Variants in ADGRE3 observed in about 807,000 individuals in gnomAD.
ADGRE3 encodes adhesion G protein-coupled receptor E3.
ADGRE3 carries 88 observed loss-of-function variants against 80.1 expected under a neutral mutation model. The observed-to-expected ratio is 1.10, with a 90% CI of 0.93 to 1.31. The LOEUF (loss-of-function observed/expected upper bound fraction) is 1.31, where lower values mean the gene tolerates loss of function less well. ADGRE3 is among the 40% of genes most tolerant of loss of function. The pLI, the probability that ADGRE3 is intolerant of heterozygous loss-of-function variation, is 0.00. For missense variants in ADGRE3, 715 were observed against 776.5 expected, an observed-to-expected ratio of 0.92 and a Z score of 0.94; for synonymous variants, 281 against 294.8, an observed-to-expected ratio of 0.95 and a Z score of 0.48.
At position 14,620,158 on chromosome 19, in the gene ADGRE3, G is replaced by T. The variant is rs576426023; in HGVS notation, c.1921-687C>A. 3.3e-5 allele frequency among the ~76,000 whole-genome samples: 5 copies of T among 152,092 alleles called. No homozygotes were observed. The East Asian group carries it at 9.7e-4, about 29-fold the overall frequency. ...AGAAAGTTAACCCAAGGTCAAACTTGTCCATAGAGAAAGAGTTTCATTAGC... is the reference window on the plus strand; with the variant it reads ...AGAAAGTTAACCCAAGGTCAAACTTTTCCATAGAGAAAGAGTTTCATTAGC... On this transcript the variant is annotated intron_variant, in intron 15 of 15. Transcript: ENST00000253673.
intron 14 of ADGRE3, among the ~76,000 whole-genome samples, chr19:14,626,253 G>A (rs1188368695): frequency 6.6e-6 from 1 of 151,906 alleles, no homozygotes; most frequent in Non-Finnish European, 1.5e-5. Flanking sequence ...TGGCTAACAC[G>A]GTGAAACCCT....
At position 14,644,183 on chromosome 19, in the gene ADGRE3, G is replaced by A. The variant is rs758456635; in HGVS notation, c.975C>T (p.His325=). The A allele has an allele frequency of 8.1e-6, 13 of 1,609,430 alleles. No individual in the cohort carries two copies. The highest frequency in any genetic ancestry group is 1.3e-5 in the African/African-American group (1 of 74,676). The stretch of plus-strand genomic sequence containing the variant: ...TACACATGGTGTGACTCTTGTTCAC[G>A]TGTATCAGGAAGCAGCCATCCCTGG... ...QWSRDGCFLI[H]VNKSHTMCNC... Residue 325 remains histidine, a synonymous_variant, in exon 9 of 16, where the codon CAC becomes CAT. Transcript: ENST00000253673.
the ADGRE3 span, chr19:14,610,650 G>C: frequency 1.2e-5 from 2 of 169,282 alleles, no homozygotes; most frequent in Non-Finnish European, 1.3e-5. Context: ...CTCCTGAGTA[G>C]CTGGGACTAC....
chr19:14,662,666 G>A (rs1971981446), intron 3 of ADGRE3, among the ~76,000 whole-genome samples: 1 of 151,932 alleles, frequency 6.6e-6, no homozygotes, highest in Admixed American at 6.6e-5. Flanking sequence ...GATTACAGGC[G>A]CGAGCCACCA....
At chr19:14,611,888 C>T in the ADGRE3 span, among the ~76,000 whole-genome samples, 1 of 152,076 alleles carries the variant, frequency 6.6e-6, no homozygotes, top group South Asian at 2.1e-4. Flanking sequence ...CCTGTAATCC[C>T]AGCTACTCAG....
In ADGRE3 at chr19:14,620,568, A is replaced by ATTT. The variant is rs1189295641; in HGVS notation, c.1921-1100_1921-1098dup. Among the ~76,000 whole-genome samples, 15 of 11,046 alleles carry ATTT rather than the reference A, an allele frequency of 1.4e-3. 2 individuals carry two copies. Among genetic ancestry groups the ATTT allele is most frequent in the East Asian group, 2.9e-3 (1 of 342 alleles). 7.2% of individuals were successfully genotyped at this position (11,046 alleles called of 152,430 possible). A position where few individuals can be genotyped will look rare whatever the true frequency, so the allele number is the denominator to read the frequency against. On this transcript the variant is annotated intron_variant, in intron 15 of 15. Transcript: ENST00000253673. ...ATATATTATATATATATATATATAT[A>ATTT]TTTTTTTTTTTTTTTTTTTTTTTTT...
At chr19:14,649,554 C>T (rs1971527739) in intron 7 of ADGRE3, among the ~76,000 whole-genome samples, 1 of 150,994 alleles carries the variant, frequency 6.6e-6, no homozygotes, top group Non-Finnish European at 1.5e-5. Flanking sequence ...CTCCCCATCT[C>T]TCTCTTTCCA....
At chr19:14,674,471 TG>T (rs1206589650) in intron 1 of ADGRE3, among the ~76,000 whole-genome samples, 6 of 152,204 alleles carry the variant, frequency 3.9e-5, no homozygotes, top group South Asian at 2.1e-4. Flanking sequence ...CACTCCAACC[TG>T]GGTGACAGAG....
chr19:14,648,575 T>G (rs906959299), intron 7 of ADGRE3, among the ~76,000 whole-genome samples: 1 of 152,212 alleles, frequency 6.6e-6, no homozygotes, highest in Admixed American at 6.5e-5. Context: ...TCATTTTACA[T>G]GTCCACTTGG....
rs1972261212 is a variant in ADGRE3 at position 14,671,681 on chromosome 19, C to T, written c.26-2829G>A. ...GAAGATGCCAGGTCTGGTTTGTGAT[C>T]AGTTACTTATGCAATTGCATTCACA... On this transcript the variant is annotated intron_variant, in intron 1 of 15. Transcript: ENST00000253673. Among the ~76,000 whole-genome samples, 5 of 152,184 alleles carry T rather than the reference C, an allele frequency of 3.3e-5. No individual in the cohort carries two copies. In the South Asian group the frequency reaches 1.0e-3, roughly 32 times the overall value.
chr19:14,636,003 CTCTTTCTTT>C (rs773919735), intron 11 of ADGRE3, among the ~76,000 whole-genome samples: 8,428 of 63,020 alleles, frequency 0.13, 1,255 homozygotes, highest in Non-Finnish European at 0.16. Context: ...CTCTCTCTTT[CTCTTTCTTT>C]CTTCCTTCCT....
intron 1 of ADGRE3, 101 bp downstream of exon 1, chr19:14,674,645 A>C: frequency 8.2e-7 from 1 of 1,214,682 alleles, no homozygotes; most frequent in Non-Finnish European, 1.2e-6. Flanking sequence ...GAGAGTGTTC[A>C]GAGCAGAAGA....
intron 1 of ADGRE3, among the ~76,000 whole-genome samples, chr19:14,673,780 G>T (rs1647098244): frequency 6.6e-6 from 1 of 152,168 alleles, no homozygotes; most frequent in African/African-American, 2.4e-5. Context: ...TTTGTTACAC[G>T]CATAGATTTC....
Position 14,647,484 on chromosome 19 carries a change from T to A in ADGRE3, c.698-119A>T, listed in dbSNP as rs1599632021. Reference sequence around the variant, plus strand: ...CAGGCTGGAGTGCAGTGGCGTGATCTTGGCTCACTGCAACCTCCGCCTCCC... The same window carrying A: ...CAGGCTGGAGTGCAGTGGCGTGATCATGGCTCACTGCAACCTCCGCCTCCC... On this transcript the variant is annotated intron_variant, in intron 7 of 15. Transcript: ENST00000253673. The A allele has an allele frequency of 1.1e-5, 8 of 752,728 alleles. No homozygotes were observed. In the East Asian group the frequency reaches 2.3e-4, roughly 22 times the overall value. 46.6% of individuals were successfully genotyped at this position (752,728 alleles called of 1,614,324 possible). A position where few individuals can be genotyped will look rare whatever the true frequency, so the allele number is the denominator to read the frequency against.
At chr19:14,651,644 A>T (rs773807530) in intron 6 of ADGRE3, among the ~76,000 whole-genome samples, 13 of 152,170 alleles carry the variant, frequency 8.5e-5, no homozygotes, top group Non-Finnish European at 1.8e-4. Context: ...ACGATTGTGG[A>T]TGGAGGGCAG....
At chr19:14,662,315 G>A (rs1166430463) in intron 3 of ADGRE3, among the ~76,000 whole-genome samples, 197 bp from the exon 4 acceptor site, 1 of 129,428 alleles carries the variant, frequency 7.7e-6, no homozygotes, top group African/African-American at 3.0e-5. Context: ...ACAATGAGAC[G>A]AGAATATAAG....
chr19:14,607,490 A>C, the ADGRE3 span, among the ~76,000 whole-genome samples: 69 of 151,682 alleles, frequency 4.5e-4, no homozygotes, highest in Non-Finnish European at 8.4e-4. Context: ...GGCGTGAGCC[A>C]CCGCGCCCGG....
At chr19:14,659,154 T>A (rs1433379807) in intron 4 of ADGRE3, among the ~76,000 whole-genome samples, 1 of 151,210 alleles carries the variant, frequency 6.6e-6, no homozygotes, top group Non-Finnish European at 1.5e-5. Flanking sequence ...TCCACCTCAG[T>A]CCCCCAAGTA....
intron 11 of ADGRE3, among the ~76,000 whole-genome samples, chr19:14,636,268 G>A (rs866820248): frequency 2.2e-5 from 3 of 137,304 alleles, no homozygotes; most frequent in African/African-American, 5.5e-5. Flanking sequence ...CGTTTAGGTT[G>A]GGGTGCGTTG....
Sources: gnomAD v4.1 joint callset for allele counts (sites outside exome capture counted in the v4.1 genomes callset) on GRCh38, gnomAD v4.1.1 for gene constraint, MANE v1.5 for transcripts, NCBI Gene and HGNC (gene_info 2026-07-23, HGNC 2026-07-21) for gene names.